SLC35F1: variants seen among roughly 807,000 people sequenced by gnomAD.
The protein encoded by SLC35F1 is chromosome 6 open reading frame 169.
In SLC35F1, 14 loss-of-function variants were observed where a neutral mutation model predicts 48.7. That is an observed-to-expected ratio of 0.29 (90% CI 0.19 to 0.45). SLC35F1 has a LOEUF of 0.45. SLC35F1 is among the 20% of genes least tolerant of loss of function. The pLI is 1.00. For missense variants in SLC35F1, 404 were observed against 500.0 expected (o/e 0.81, Z 1.83); for synonymous variants, 190 against 202.2 (o/e 0.94, Z 0.51).
Position 118,314,191 on chromosome 6 carries a change from C to T in SLC35F1, c.1166C>T (p.Ser389Leu). Residue 389 changes from serine (S) to leucine (L), a missense_variant, in exon 8 of 8, where the codon TCA (serine) becomes TTA (leucine). Around this residue, in one of 2 missense-constraint regions of SLC35F1, gnomAD observed 306 missense variants for 419.1 expected, o/e 0.73. Transcript: ENST00000360388. ...DLPTTAQVEP[S>L]VTYTSLGQET... ...CCGACCACAGCTCAGGTGGAACCCT[C>T]AGTCACCTACACCAGCCTGGGCCAG... 1 of 1,614,228 alleles carries T rather than the reference C, an allele frequency of 6.2e-7. No homozygotes were observed. The highest frequency in any genetic ancestry group is 8.5e-7 in the Non-Finnish European group (1 of 1,180,038).
intron 2 of SLC35F1, among the ~76,000 whole-genome samples, chr6:118,177,965 C>T (rs547883851): frequency 3.9e-5 from 6 of 152,008 alleles, no homozygotes; most frequent in Non-Finnish European, 5.9e-5. Context: ...TGCTACCTGC[C>T]GTGGTAGTAC....
At chr6:117,919,531 C>T (rs1161524000) in intron 1 of SLC35F1, among the ~76,000 whole-genome samples, 2 of 152,012 alleles carry the variant, frequency 1.3e-5, no homozygotes, top group African/African-American at 2.4e-5. Context: ...CCGGCTTCCT[C>T]GGCTCGCAGT....
At chr6:118,115,534 C>A (rs1773466263) in intron 1 of SLC35F1, among the ~76,000 whole-genome samples, 1 of 152,200 alleles carries the variant, frequency 6.6e-6, no homozygotes, top group Non-Finnish European at 1.5e-5. Flanking sequence ...CCCACCAGAT[C>A]TTAAGTCTCA....
chr6:117,928,858 G>A (rs759739028), intron 1 of SLC35F1, among the ~76,000 whole-genome samples: 5 of 152,120 alleles, frequency 3.3e-5, no homozygotes, highest in South Asian at 2.1e-4. Flanking sequence ...AGGTAGTTAC[G>A]GTGATTGTGA....
intron 1 of SLC35F1, among the ~76,000 whole-genome samples, chr6:118,133,599 T>C (rs1205771748): frequency 6.6e-6 from 1 of 152,214 alleles, no homozygotes; most frequent in Non-Finnish European, 1.5e-5. Context: ...GATTTTCATT[T>C]TGGAGTTAAA....
chr6:118,027,774 G>A (rs1321875004), intron 1 of SLC35F1, among the ~76,000 whole-genome samples: 2 of 151,870 alleles, frequency 1.3e-5, no homozygotes, highest in Non-Finnish European at 2.9e-5. Flanking sequence ...TTTATTTATG[G>A]TGTATTTCAA....
At chr6:118,292,167 T>A (rs413876) in intron 7 of SLC35F1, among the ~76,000 whole-genome samples, 4 of 151,596 alleles carry the variant, frequency 2.6e-5, no homozygotes, top group Non-Finnish European at 5.9e-5. Flanking sequence ...ATGCTTGGGT[T>A]CCCCTCTCAC....
chr6:117,997,830 G>A (rs1338935651), intron 1 of SLC35F1, among the ~76,000 whole-genome samples: 1 of 152,182 alleles, frequency 6.6e-6, no homozygotes, highest in Non-Finnish European at 1.5e-5. Flanking sequence ...ATACCAAATT[G>A]TAAAGACCAT....
At chr6:118,101,357 G>A (rs1360790848) in intron 1 of SLC35F1, among the ~76,000 whole-genome samples, 1 of 152,180 alleles carries the variant, frequency 6.6e-6, no homozygotes, top group Non-Finnish European at 1.5e-5. Flanking sequence ...GTGAGGATCT[G>A]CTGTGTGAAT....
intron 4 of SLC35F1, among the ~76,000 whole-genome samples, chr6:118,274,498 A>G (rs181398674): frequency 9.9e-4 from 150 of 152,096 alleles, no homozygotes; most frequent in African/African-American, 2.8e-3. Context: ...CCGGGTTCTG[A>G]GGGATTCTTC....
chr6:118,230,483 A>G (rs1775278540), intron 2 of SLC35F1, among the ~76,000 whole-genome samples: 1 of 152,258 alleles, frequency 6.6e-6, no homozygotes, highest in Admixed American at 6.5e-5. Context: ...CATTTAAAAT[A>G]AATGAATTAG....
chr6:118,017,073 T>A (rs996045458), intron 1 of SLC35F1, among the ~76,000 whole-genome samples: 1 of 152,216 alleles, frequency 6.6e-6, no homozygotes, highest in African/African-American at 2.4e-5. Flanking sequence ...CTGGAAAAGT[T>A]ACTGTTGCTT....
intron 7 of SLC35F1, among the ~76,000 whole-genome samples, chr6:118,305,496 A>G (rs1415407721): frequency 6.6e-6 from 1 of 152,120 alleles, no homozygotes; most frequent in Non-Finnish European, 1.5e-5. Context: ...CATGTCTTTT[A>G]AATAATACTT....
In SLC35F1 at chr6:118,241,578, C is replaced by CGTGT. The variant is rs10570595; in HGVS notation, c.477+5969_477+5972dup. On this transcript the variant is annotated intron_variant, in intron 3 of 7. Transcript: ENST00000360388. ...TTCAGTTTTCATACATTTTTACCTTCGTGTGTGTGTGTGTGTGTGTGTGTG... is the reference window on the plus strand; with the variant it reads ...TTCAGTTTTCATACATTTTTACCTTCGTGTGTGTGTGTGTGTGTGTGTGTGTGTG... 9.1e-3 allele frequency among the ~76,000 whole-genome samples: 1,336 copies of CGTGT among 147,358 alleles called. 17 individuals are homozygous for CGTGT. The highest frequency in any genetic ancestry group is 0.031 in the African/African-American group (1,255 of 40,090).
At chr6:118,076,055 G>A (rs571126868) in intron 1 of SLC35F1, among the ~76,000 whole-genome samples, 5 of 149,262 alleles carry the variant, frequency 3.3e-5, no homozygotes, top group Admixed American at 2.0e-4. Flanking sequence ...GATTCTGCTG[G>A]AAAAAAAAAC....
intron 1 of SLC35F1, among the ~76,000 whole-genome samples, chr6:118,035,513 C>T (rs1272922235): frequency 6.7e-6 from 1 of 150,342 alleles, no homozygotes; most frequent in Non-Finnish European, 1.5e-5. Flanking sequence ...ACTCGGGAGG[C>T]TGAGGCAGAA....
chr6:118,152,814 C>T (rs936613191), intron 1 of SLC35F1, among the ~76,000 whole-genome samples: 23 of 152,226 alleles, frequency 1.5e-4, no homozygotes, highest in African/African-American at 5.5e-4. Flanking sequence ...AAGGCTATGT[C>T]AGCAGGCATC....
chr6:117,958,353 T>C (rs1357831800), intron 1 of SLC35F1, among the ~76,000 whole-genome samples: 5 of 152,158 alleles, frequency 3.3e-5, no homozygotes, highest in African/African-American at 1.2e-4. Context: ...TAAAAATAAA[T>C]GTAGTATAGC....
intron 3 of SLC35F1, among the ~76,000 whole-genome samples, chr6:118,264,656 G>A (rs1775750850): frequency 6.6e-6 from 1 of 152,186 alleles, no homozygotes; most frequent in African/African-American, 2.4e-5. Context: ...CAGGAATAGA[G>A]GCCTTCAGCT....
Sources: allele counts gnomAD v4.1 joint callset (sites outside exome capture counted in the v4.1 genomes callset), GRCh38; gene constraint gnomAD v4.1.1; regional missense constraint gnomAD v4.1.1; transcripts MANE v1.5; gene names NCBI Gene and HGNC (gene_info 2026-07-23, HGNC 2026-07-21).